Variants in NRCAM observed in about 807,000 individuals in gnomAD.
NRCAM encodes the protein NgCAM-related cell adhesion molecule.
Under a neutral mutation model 156.5 loss-of-function variants are expected in NRCAM, and 83 were observed. That is an observed-to-expected ratio of 0.53 (90% CI 0.44 to 0.64). NRCAM has a LOEUF of 0.64. Ranked by LOEUF, NRCAM falls within the 30% of genes least tolerant of loss-of-function variation. NRCAM has a pLI of 0.00. For synonymous variants in NRCAM, 538 were observed against 563.9 expected (o/e 0.95, Z 0.65); for missense variants, 1,417 against 1,597.3 (o/e 0.89, Z 1.92).
chr7:108,419,971 T>C (rs868588537), intron 1 of NRCAM, among the ~76,000 whole-genome samples: 1 of 152,142 alleles, frequency 6.6e-6, no homozygotes, highest in African/African-American at 2.4e-5. Context: ...AACACAGTCA[T>C]CTTCTAGTTA....
intron 5 of NRCAM, chr7:108,234,895 G>GTAAC (rs141350308): frequency 5.1e-4 from 368 of 714,612 alleles, no homozygotes; most frequent in Non-Finnish European, 8.0e-4. Context: ...CTTTCTTTCG[G>GTAAC]TAACTATGTG....
intron 1 of NRCAM, among the ~76,000 whole-genome samples, chr7:108,441,002 A>G (rs560315702): frequency 6.6e-6 from 1 of 152,310 alleles, no homozygotes; most frequent in South Asian, 2.1e-4. Flanking sequence ...AAATTCTCTA[A>G]GGGGATGCCC....
chr7:108,449,911 T>A (rs1015051089), intron 1 of NRCAM, among the ~76,000 whole-genome samples: 1 of 151,950 alleles, frequency 6.6e-6, no homozygotes, highest in African/African-American at 2.4e-5. Context: ...ATAGATTTTT[T>A]TTTTTTCTGG....
Position 108,189,972 on chromosome 7 carries a change from C to T in NRCAM, c.1934-226G>A, listed in dbSNP as rs185569976. 2.9e-4 allele frequency among the ~76,000 whole-genome samples: 44 copies of T among 152,242 alleles called. No homozygotes were observed. In the East Asian group the frequency reaches 7.9e-3, roughly 27 times the overall value. Reference sequence around the variant, plus strand: ...CTGCTCACTTGTTTTTCAAAGGAAACGAAAGCATTTGTAACCAAACCCAGT... The same window carrying T: ...CTGCTCACTTGTTTTTCAAAGGAAATGAAAGCATTTGTAACCAAACCCAGT... On this transcript the variant is annotated intron_variant, in intron 19 of 32. Coordinates refer to ENST00000379028, the MANE Select transcript of NRCAM (RefSeq NM_001037132.4).
At position 108,197,940 on chromosome 7, in the gene NRCAM, T is replaced by C. The variant is rs531841236; in HGVS notation, c.1351+16A>G. 2 of 1,539,844 alleles carry C rather than the reference T, an allele frequency of 1.3e-6. No homozygotes were observed. The highest frequency in any genetic ancestry group is 1.7e-6 in the Non-Finnish European group (2 of 1,148,306). The stretch of plus-strand genomic sequence containing the variant: ...TTAATTTAATTTGCCATGTCTTTAA[T>C]AAAATGAGAGCTTACCCAGCACATT... On this transcript the variant is annotated intron_variant, in intron 14 of 32. Transcript: ENST00000379028.
rs757909113 is a variant in NRCAM, at chr7:108,178,410, C to T, written c.2852-298G>A. Reference sequence around the variant, plus strand: ...TTAAAAAGAGGCAGTACTTGTTTGACGCATGAATGGTGTCTTAATAGAAGC... The same window carrying T: ...TTAAAAAGAGGCAGTACTTGTTTGATGCATGAATGGTGTCTTAATAGAAGC... On this transcript the variant is annotated intron_variant, in intron 25 of 32. Transcript: ENST00000379028. The T allele has an allele frequency of 6.0e-5, 25 of 419,480 alleles. No homozygotes were observed. The East Asian group carries it at 9.4e-4, about 16-fold the overall frequency. 26.0% of individuals were successfully genotyped at this position (419,480 alleles called of 1,614,324 possible). A position where few individuals can be genotyped will look rare whatever the true frequency, so the allele number is the denominator to read the frequency against.
At chr7:108,248,964 T>TGAG (rs2096156286) in intron 3 of NRCAM, among the ~76,000 whole-genome samples, 1 of 144,160 alleles carries the variant, frequency 6.9e-6, no homozygotes. Flanking sequence ...GGGAGCAGGA[T>TGAG]GATGATGATG....
At chr7:108,389,875 T>C (rs189697403) in intron 2 of NRCAM, among the ~76,000 whole-genome samples, 2 of 152,228 alleles carry the variant, frequency 1.3e-5, no homozygotes, top group Non-Finnish European at 2.9e-5. Context: ...TTTGTGTATG[T>C]TGAATGAGCC....
At chr7:108,177,152 T>C (rs1002773867) in intron 26 of NRCAM, among the ~76,000 whole-genome samples, 1 of 152,204 alleles carries the variant, frequency 6.6e-6, no homozygotes, top group African/African-American at 2.4e-5. Context: ...TATATGTATA[T>C]ATTCTACAGA....
intron 1 of NRCAM, among the ~76,000 whole-genome samples, chr7:108,419,046 A>AC: frequency 6.6e-6 from 1 of 152,182 alleles, no homozygotes; most frequent in Non-Finnish European, 1.5e-5. Context: ...ACACACACAC[A>AC]AAAAATCACC....
chr7:108,194,148 G>T lies in NRCAM; in HGVS notation c.1654C>A (p.Pro552Thr), dbSNP rs2073614643. ...CCTCTTTGCACAACTGCATATTCGG[G>T]CTGTTTAACGATCCATGTAGGATCT... ...IKDPTWIVKQ[P>T]EYAVVQRGSM... The change falls in exon 17 of 33, where the codon CCC becomes ACC. Residue 552 changes from proline (P) to threonine (T), a missense_variant. This residue lies in a region of NRCAM where 1,238 missense variants were observed against 1,336.4 expected (regional missense o/e 0.93). Transcript: ENST00000379028. 6.2e-7 allele frequency: 1 copy of T among 1,614,002 alleles called. No homozygotes were observed. Among genetic ancestry groups the T allele is most frequent in the Non-Finnish European group, 8.5e-7 (1 of 1,179,900 alleles).
Position 108,448,105 on chromosome 7 carries a change from G to A in NRCAM, c.-332+8138C>T, listed in dbSNP as rs573818903. Reference sequence around the variant, plus strand: ...CATCACAGTAACTGTTACTAGAAACGTAAACATAACCATGGAGTTTTTTAA... The same window carrying A: ...CATCACAGTAACTGTTACTAGAAACATAAACATAACCATGGAGTTTTTTAA... On this transcript the variant is annotated intron_variant, in intron 1 of 32. Coordinates refer to ENST00000379028, the MANE Select transcript of NRCAM (RefSeq NM_001037132.4). Among the ~76,000 whole-genome samples, 8 of 152,142 alleles carry A rather than the reference G, an allele frequency of 5.3e-5. No individual in the cohort carries two copies. In the South Asian group the frequency reaches 1.7e-3, roughly 32 times the overall value.
At chr7:108,258,866 T>G (rs2096784685) in intron 3 of NRCAM, among the ~76,000 whole-genome samples, 1 of 152,224 alleles carries the variant, frequency 6.6e-6, no homozygotes, top group Non-Finnish European at 1.5e-5. Context: ...CTATCCTCCT[T>G]GTGGCCTGGA....
At chr7:108,369,817 T>G (rs997249220) in intron 2 of NRCAM, among the ~76,000 whole-genome samples, 4 of 152,146 alleles carry the variant, frequency 2.6e-5, no homozygotes, top group Non-Finnish European at 5.9e-5. Context: ...ACATTTTCCC[T>G]TTGAAGCCAT....
intron 11 of NRCAM, among the ~76,000 whole-genome samples, chr7:108,215,216 T>A (rs1350278777): frequency 3.3e-5 from 5 of 149,702 alleles, no homozygotes; most frequent in African/African-American, 9.9e-5. Context: ...CCCACTATTT[T>A]TTTTTTTTTT....
intron 28 of NRCAM, among the ~76,000 whole-genome samples, chr7:108,173,189 C>A (rs1054725198): frequency 1.3e-5 from 2 of 151,586 alleles, no homozygotes; most frequent in African/African-American, 4.9e-5. Context: ...TTTCATCATG[C>A]TGGCCAGGCT....
intron 30 of NRCAM, among the ~76,000 whole-genome samples, 191 bp from the exon 31 acceptor site, chr7:108,160,683 A>T (rs985737205): frequency 1.3e-5 from 2 of 152,222 alleles, no homozygotes; most frequent in African/African-American, 4.8e-5. Context: ...TTCATTCATT[A>T]AAAAATTCAA....
chr7:108,355,603 C>T (rs1026502803), intron 2 of NRCAM, among the ~76,000 whole-genome samples: 5 of 152,200 alleles, frequency 3.3e-5, no homozygotes, highest in African/African-American at 1.2e-4. Context: ...TTTTAAATGG[C>T]ATGTCATTCT....
At chr7:108,338,080 T>C (rs1778913837) in intron 2 of NRCAM, among the ~76,000 whole-genome samples, 1 of 152,226 alleles carries the variant, frequency 6.6e-6, no homozygotes, top group African/African-American at 2.4e-5. Flanking sequence ...AGCTTCCACT[T>C]TCAATTTTCC....
Sources: gnomAD v4.1 joint callset for allele counts (sites outside exome capture counted in the v4.1 genomes callset) on GRCh38, gnomAD v4.1.1 for gene constraint, gnomAD v4.1.1 regional missense constraint, MANE v1.5 for transcripts, NCBI Gene and HGNC (gene_info 2026-07-23, HGNC 2026-07-21) for gene names.